Variants in SAMD9 observed in about 807,000 individuals in gnomAD.
SAMD9 encodes sterile alpha motif domain containing 9.
A neutral mutation model predicts 1.5 loss-of-function variants in SAMD9; 3 were observed. The ratio of observed to expected loss-of-function variants is 2.05; its 90% CI spans 0.93 to 5.29. The LOEUF (loss-of-function observed/expected upper bound fraction) is 5.29. Ranked by LOEUF, SAMD9 falls within the 30% of genes most tolerant of loss-of-function variation. The pLI, the probability that SAMD9 is intolerant of heterozygous loss-of-function variation, is 0.02. For missense variants in SAMD9, 1,597 were observed against 1,820.8 expected (o/e 0.88, Z 2.24); for synonymous variants, 635 against 631.9 (o/e 1.00, Z -0.07).
rs1211223922 is a variant in SAMD9 at position 93,104,246 on chromosome 7, T to C, written c.1852A>G (p.Ile618Val). The stretch of plus-strand genomic sequence containing the variant: ...TGAGTCACAGATTTTAGTTTAAGAA[T>C]AGTGCCATTGATCTCTTCAAGGCTT... ...ALSLEEINGT[I>V]LKLKSVTQSS... The change falls in exon 3 of 3, where the codon ATT becomes GTT. Residue 618 changes from isoleucine (I) to valine (V), a missense_variant. Ile to Val is a conservative substitution (Grantham distance 29, BLOSUM62 3). Coordinates refer to ENST00000379958, the MANE Select transcript of SAMD9 (RefSeq NM_017654.4). 2 of 1,613,876 alleles carry C rather than the reference T, an allele frequency of 1.2e-6. No individual in the cohort carries two copies. Among genetic ancestry groups the C allele is most frequent in the Admixed American group, 3.3e-5 (2 of 60,002 alleles).
chr7:93,101,821 TAA>T lies in SAMD9; in HGVS notation c.4275_4276del (p.Tyr1426SerfsTer25). 5.6e-6 allele frequency: 9 copies of T among 1,613,918 alleles called. No homozygotes were observed. The highest frequency in any genetic ancestry group is 1.1e-5 in the South Asian group (1 of 91,078). ...TAGAAAATACGGTTCTGAAAACTGATAAGTCAGTCCTATTGGTTGCAAGACTT... is the reference window on the plus strand; with the variant it reads ...TAGAAAATACGGTTCTGAAAACTGATGTCAGTCCTATTGGTTGCAAGACTT... On this transcript the variant is annotated frameshift_variant, in exon 3 of 3. Transcript: ENST00000379958. LOFTEE classifies it low-confidence loss of function (END_TRUNC).
chr7:93,114,068 G>C (rs1435712214), intron 2 of SAMD9, among the ~76,000 whole-genome samples: 1 of 152,116 alleles, frequency 6.6e-6, no homozygotes, highest in Non-Finnish European at 1.5e-5. Context: ...ATCATTGATA[G>C]ACTGGATTAA....
chr7:93,105,105 T>A lies in SAMD9; in HGVS notation c.993A>T (p.Lys331Asn). The A allele has an allele frequency of 6.2e-7, 1 of 1,613,884 alleles. No individual in the cohort carries two copies. Residue 331 changes from lysine (K) to asparagine (N), a missense_variant, in exon 3 of 3, where the codon AAA becomes AAT. By Grantham distance (94) the Lys-to-Asn change is moderately conservative. Coordinates refer to ENST00000379958, the MANE Select transcript of SAMD9 (RefSeq NM_017654.4). ...FQIKMQNYNN[K>N]IWEQSKKFSL... ...AGAATTTTTTACTTTGTTCCCATAT[T>A]TTGTTGTTGTAATTTTGCATTTTAA...
At position 93,105,273 on chromosome 7, in the gene SAMD9, A is replaced by G. The variant is rs1476468080; in HGVS notation, c.825T>C (p.His275=). 6.2e-7 allele frequency: 1 copy of G among 1,613,900 alleles called. No homozygotes were observed. Among genetic ancestry groups the G allele is most frequent in the Admixed American group, 1.7e-5 (1 of 60,008 alleles). The change falls in exon 3 of 3, where the codon CAT becomes CAC. Residue 275 remains histidine (H), a synonymous_variant. Transcript: ENST00000379958. The stretch of plus-strand genomic sequence containing the variant: ...TGCACTTCTTTGCTTGTTGGACTTG[A>G]TGGTCTTCAAAATACTTGTTTATCA... ...NLMINKYFED[H]QVQQAKKCIR... is the part of the protein sequence containing the mutation.
chr7:93,108,157 G>T (rs950171855), intron 2 of SAMD9, among the ~76,000 whole-genome samples: 12 of 152,138 alleles, frequency 7.9e-5, no homozygotes, highest in African/African-American at 2.7e-4. Context: ...GCCGTGCCTC[G>T]CCATGCGCCT....
In SAMD9 at chr7:93,103,358, C is replaced by T. The variant is rs1344954312; in HGVS notation, c.2740G>A (p.Glu914Lys). ...GCCAGAAAAGAAAAGAGCTTTGCTT[C>T]CTTGGTGAAAATATTCTGCCCTTTC... Reference protein sequence around the residue: ...ILKGQNIFTKEAKLFSFLALL... With the variant: ...ILKGQNIFTKKAKLFSFLALL... Residue 914 changes from glutamate to lysine, a missense_variant, in exon 3 of 3, where the codon GAA (glutamate) becomes AAA (lysine). Coordinates refer to ENST00000379958, the MANE Select transcript of SAMD9 (RefSeq NM_017654.4). 2 of 1,613,372 alleles carry T rather than the reference C, an allele frequency of 1.2e-6. No individual in the cohort carries two copies. Among genetic ancestry groups the T allele is most frequent in the Non-Finnish European group, 1.7e-6 (2 of 1,179,468 alleles).
intron 2 of SAMD9, among the ~76,000 whole-genome samples, chr7:93,113,775 G>T (rs559502113): frequency 3.3e-5 from 5 of 152,052 alleles, no homozygotes; most frequent in Admixed American, 2.6e-4. Context: ...TTAGAATGGG[G>T]GATCATTAAA....
intron 2 of SAMD9, among the ~76,000 whole-genome samples, chr7:93,110,332 G>T (rs191306161): frequency 0.016 from 2,411 of 152,212 alleles, 30 homozygotes; most frequent in East Asian, 0.079. Context: ...AGGAAAATCC[G>T]GTACCAGCCA....
Position 93,101,496 on chromosome 7 carries a change from A to T in SAMD9, c.4602T>A (p.Ala1534=), listed in dbSNP as rs1444017565. The change falls in exon 3 of 3, where the codon GCT becomes GCA. Residue 1534 remains alanine (A), a synonymous_variant. Transcript: ENST00000379958. The part of the protein sequence containing the change: ...QELLLRLQGR[A]ENNCLYIEYG... ...ATTCTATATATAAACAATTGTTTTCAGCTCGACCTTGTAAACGAAGCAAAA... is the reference window on the plus strand; with the variant it reads ...ATTCTATATATAAACAATTGTTTTCTGCTCGACCTTGTAAACGAAGCAAAA... 1 of 1,613,786 alleles carries T rather than the reference A, an allele frequency of 6.2e-7. No homozygotes were observed. Among genetic ancestry groups the T allele is most frequent in the East Asian group, 2.2e-5 (1 of 44,864 alleles).
chr7:93,101,800 A>T lies in SAMD9; in HGVS notation c.4298T>A (p.Phe1433Tyr). The T allele has an allele frequency of 6.2e-7, 1 of 1,613,880 alleles. No individual in the cohort carries two copies. Among genetic ancestry groups the T allele is most frequent in the East Asian group, 2.2e-5 (1 of 44,870 alleles). ...GLTYQFSEPY[F>Y]LASLLFWPEN... The stretch of plus-strand genomic sequence containing the variant: ...TGGCCAGAATAAGAGGGAAGCTAGA[A>T]AATACGGTTCTGAAAACTGATAAGT... Residue 1433 changes from phenylalanine (F) to tyrosine (Y), a missense_variant, in exon 3 of 3, where the codon TTT becomes TAT. Around this residue, in one of 6 missense-constraint regions of SAMD9, gnomAD observed 682 missense variants for 810.0 expected, o/e 0.84. Coordinates refer to ENST00000379958, the MANE Select transcript of SAMD9 (RefSeq NM_017654.4).
Position 93,103,971 on chromosome 7 carries a change from A to G in SAMD9, c.2127T>C (p.Asp709=), listed in dbSNP as rs2116418189. 1.2e-6 allele frequency: 2 copies of G among 1,613,524 alleles called. No homozygotes were observed. The highest frequency in any genetic ancestry group is 1.7e-6 in the Non-Finnish European group (2 of 1,179,610). ...TCATTGCTTCAAGTCTTTCATATTT[A>G]TCCCTTTTGACAAAAGGTGAAGAAT... is the stretch of plus-strand genomic sequence containing the variant. ...ESYSSPFVKR[D]KYERLEAMIQ... The change falls in exon 3 of 3, where the codon GAT becomes GAC. Residue 709 remains aspartate (D), a synonymous_variant. Transcript: ENST00000379958.
At position 93,101,255 on chromosome 7, in the gene SAMD9, AAGCATAGATC is replaced by A; in HGVS notation, c.*63_*72del. 1 of 1,204,144 alleles carries A rather than the reference AAGCATAGATC, an allele frequency of 8.3e-7. No individual in the cohort carries two copies. Among genetic ancestry groups the A allele is most frequent in the Non-Finnish European group, 1.2e-6 (1 of 817,508 alleles). The allele number at this position is 1,204,144 out of a possible 1,614,324, so 74.6% of individuals were successfully genotyped here. A position where few individuals can be genotyped will look rare whatever the true frequency, so the allele number is the denominator to read the frequency against. ...CTGTATCTATAACCTTGCCGGTTTA[AAGCATAGATC>A]TTGAGTCCAAAAAAATTAAATGGGT... On this transcript the variant is annotated 3_prime_UTR_variant, in exon 3 of 3. Transcript: ENST00000379958.
rs1056651627 is a variant in SAMD9, at chr7:93,104,926, C to T, written c.1172G>A (p.Gly391Glu). 3 of 1,611,542 alleles carry T rather than the reference C, an allele frequency of 1.9e-6. No homozygotes were observed. Among genetic ancestry groups the T allele is most frequent in the Non-Finnish European group, 2.5e-6 (3 of 1,179,152 alleles). The change falls in exon 3 of 3, where the codon GGA (glycine) becomes GAA (glutamate). Residue 391 changes from glycine (G) to glutamate (E), a missense_variant. Physicochemically the swap from Gly to Glu is moderately conservative, Grantham distance 98. Coordinates refer to ENST00000379958, the MANE Select transcript of SAMD9 (RefSeq NM_017654.4). ...RAKTNKKERE[G>E]PKLVKLLTGN... is the part of the protein sequence containing the mutation. ...TGTCAATAATTTAACCAACTTTGGT[C>T]CCTCTCTTTCTTTTTTATTTGTTTT...
In SAMD9 at chr7:93,106,064, C is replaced by G. The variant is rs1334987881; in HGVS notation, c.34G>C (p.Asp12His). Residue 12 changes from aspartate (D) to histidine (H), a missense_variant, in exon 3 of 3, where the codon GAT becomes CAT. Coordinates refer to ENST00000379958, the MANE Select transcript of SAMD9 (RefSeq NM_017654.4). Reference protein sequence around the residue: ...AKQLNLPENTDDWTKEDVNQW... With the variant: ...AKQLNLPENTHDWTKEDVNQW... ...TTTACATCCTCTTTTGTCCAATCAT[C>G]TGTATTTTCTGGAAGGTTAAGTTGC... The G allele has an allele frequency of 6.3e-7, 1 of 1,591,778 alleles. No homozygotes were observed. Among genetic ancestry groups the G allele is most frequent in the Admixed American group, 1.8e-5 (1 of 54,434 alleles).
chr7:93,101,436 A>G lies in SAMD9; in HGVS notation c.4662T>C (p.Thr1554=). The G allele has an allele frequency of 2.5e-6, 4 of 1,613,750 alleles. No homozygotes were observed. The highest frequency in any genetic ancestry group is 3.4e-6 in the Non-Finnish European group (4 of 1,179,686). Reference sequence around the variant, plus strand: ...TTCTAAGTTGACCTAAAAAAGCGGGAGTGATGGGTATTGTGATTTTTTCAT... The same window carrying G: ...TTCTAAGTTGACCTAAAAAAGCGGGGGTGATGGGTATTGTGATTTTTTCAT... ...GINEKITIPI[T]PAFLGQLRSG... The change falls in exon 3 of 3, where the codon ACT becomes ACC. Residue 1554 remains threonine (T), a synonymous_variant. Coordinates refer to ENST00000379958, the MANE Select transcript of SAMD9 (RefSeq NM_017654.4).
chr7:93,110,448 C>T (rs1271341169), intron 2 of SAMD9, among the ~76,000 whole-genome samples: 1 of 152,184 alleles, frequency 6.6e-6, no homozygotes, highest in African/African-American at 2.4e-5. Flanking sequence ...ATCAAATTCA[C>T]ACATAACAAT....
chr7:93,108,879 C>T (rs1251285539), intron 2 of SAMD9, among the ~76,000 whole-genome samples: 1 of 152,336 alleles, frequency 6.6e-6, no homozygotes, highest in East Asian at 1.9e-4. Flanking sequence ...TGGGGCAGGG[C>T]ATAGCTGAAC....
rs1791549417 is a variant in SAMD9, at chr7:93,102,444, A to G, written c.3654T>C (p.Asp1218=). 1 of 1,613,504 alleles carries G rather than the reference A, an allele frequency of 6.2e-7. No individual in the cohort carries two copies. Among genetic ancestry groups the G allele is most frequent in the African/African-American group, 1.3e-5 (1 of 74,920 alleles). The change falls in exon 3 of 3, where the codon GAT becomes GAC. Residue 1218 remains aspartate (D), a synonymous_variant. Transcript: ENST00000379958. Reference sequence around the variant, plus strand: ...ATCTTTTAGATAGCTCATTTTTATTATCAAAAAAAGGAATGAGCTGGAGAA... The same window carrying G: ...ATCTTTTAGATAGCTCATTTTTATTGTCAAAAAAAGGAATGAGCTGGAGAA... ...IQILQLIPFF[D]NKNELSKRYM... is the part of the protein sequence containing the mutation.
At chr7:93,117,625 A>G (rs1584262283) in intron 1 of SAMD9, among the ~76,000 whole-genome samples, 3 of 152,250 alleles carry the variant, frequency 2.0e-5, no homozygotes, top group Middle Eastern at 3.4e-3. Flanking sequence ...GAGTTCATCA[A>G]TAAAAGTGTC....
Sources: gnomAD v4.1 joint callset for allele counts (sites outside exome capture counted in the v4.1 genomes callset) on GRCh38, gnomAD v4.1.1 for gene constraint, gnomAD v4.1.1 regional missense constraint, MANE v1.5 for transcripts, NCBI Gene and HGNC (gene_info 2026-07-23, HGNC 2026-07-21) for gene names.